The following COL4A3 variants were observed in gnomAD, a reference collection of about 807,000 sequenced individuals.
The protein encoded by COL4A3 is collagen alpha-3(IV) chain.
Under a neutral mutation model 217.4 loss-of-function variants are expected in COL4A3, and 135 were observed. The observed-to-expected ratio is 0.62, with a 90% CI of 0.54 to 0.72. COL4A3 has a LOEUF of 0.72. Among genes scored for constraint, COL4A3 ranks in the 30% least tolerant of loss-of-function variants. The probability of loss-of-function intolerance (pLI) is 0.00; values close to 1 mark genes in which losing one functional copy is unlikely to be tolerated. For missense variants in COL4A3, 1,868 were observed against 2,119.9 expected (o/e 0.88, Z 2.33); for synonymous variants, 690 against 736.3 (o/e 0.94, Z 1.02).
Position 227,305,010 on chromosome 2 carries a change from A to G in COL4A3, c.4179A>G (p.Pro1393=). The G allele has an allele frequency of 6.2e-7, 1 of 1,614,020 alleles. No individual in the cohort carries two copies. Among genetic ancestry groups the G allele is most frequent in the South Asian group, 1.1e-5 (1 of 91,068 alleles). The part of the protein sequence containing the change: ...NLGPCGPRGK[P]GKDGKPGTPG... ...GACCCTGTGGGCCAAGAGGTAAGCC[A>G]GGCAAGGATGGAAAACCAGGAACTC... The change falls in exon 47 of 52, where the codon CCA becomes CCG. Residue 1393 remains proline, a synonymous_variant. Coordinates refer to ENST00000396578, the MANE Select transcript of COL4A3 (RefSeq NM_000091.5).
chr2:227,260,312 T>C (rs2070473691), intron 19 of COL4A3, among the ~76,000 whole-genome samples: 1 of 152,224 alleles, frequency 6.6e-6, no homozygotes, highest in Non-Finnish European at 1.5e-5. Context: ...CATGTACTTA[T>C]GCTGTATCAC....
chr2:227,177,728 C>T (rs1026604910), intron 1 of COL4A3, among the ~76,000 whole-genome samples: 3 of 152,136 alleles, frequency 2.0e-5, no homozygotes, highest in Admixed American at 1.3e-4. Flanking sequence ...GATGAAATCT[C>T]GCACCGTCCT....
intron 43 of COL4A3, among the ~76,000 whole-genome samples, chr2:227,300,819 C>T (rs151069465): frequency 3.2e-4 from 49 of 152,244 alleles, no homozygotes; most frequent in Non-Finnish European, 6.6e-4. Flanking sequence ...AAGGTCCCTC[C>T]CCAAGGAGAT....
intron 1 of COL4A3, among the ~76,000 whole-genome samples, chr2:227,225,429 G>A (rs544214937): frequency 8.7e-4 from 133 of 152,092 alleles, no homozygotes; most frequent in Middle Eastern, 3.4e-3. Context: ...GTTCCCAGGC[G>A]GATTTTTAAA....
At chr2:227,288,212 T>A (rs1016722060) in intron 34 of COL4A3, among the ~76,000 whole-genome samples, 1 of 152,158 alleles carries the variant, frequency 6.6e-6, no homozygotes, top group African/African-American at 2.4e-5. Context: ...TTCTCTTGCC[T>A]CAGCCTCCCA....
intron 29 of COL4A3, 70 bp downstream of exon 29, chr2:227,279,960 T>G: frequency 1.1e-6 from 1 of 949,726 alleles, no homozygotes; most frequent in Non-Finnish European, 1.7e-6. Flanking sequence ...TGTATGCACT[T>G]ATCTGGCAGA....
At chr2:227,178,078 G>A (rs933048904) in intron 1 of COL4A3, among the ~76,000 whole-genome samples, 13 of 152,130 alleles carry the variant, frequency 8.5e-5, no homozygotes, top group African/African-American at 2.4e-4. Flanking sequence ...TTGTGAAGAA[G>A]GAAAAAGAAA....
intron 26 of COL4A3, among the ~76,000 whole-genome samples, chr2:227,274,508 T>G (rs2071439783): frequency 6.6e-6 from 1 of 151,994 alleles, no homozygotes; most frequent in African/African-American, 2.4e-5. Flanking sequence ...GCTTTTTTTT[T>G]TTTTGTCTGA....
At chr2:227,264,371 C>G (rs1298889269) in intron 21 of COL4A3, among the ~76,000 whole-genome samples, 2 of 152,158 alleles carry the variant, frequency 1.3e-5, no homozygotes, top group Admixed American at 1.3e-4. Flanking sequence ...TCCCATCCTC[C>G]CACTTCCAGG....
chr2:227,239,410 A>G (rs199611473), intron 2 of COL4A3, among the ~76,000 whole-genome samples: 2 of 150,724 alleles, frequency 1.3e-5, no homozygotes, highest in Non-Finnish European at 3.0e-5. Context: ...GTGTGGGGGG[A>G]AGGTCCTGGA....
Position 227,290,858 on chromosome 2 carries a change from G to A in COL4A3, c.3182G>A (p.Gly1061Asp), listed in dbSNP as rs202078295. The stretch of plus-strand genomic sequence containing the variant: ...AAGGGAGAGCCAGGTTATTCAGAAG[G>A]TACAAGGCCAGGACCACCGGGACCA... ...GDKGEPGYSE[G>D]TRPGPPGPTG... Residue 1061 changes from glycine to aspartate, a missense_variant, in exon 37 of 52, where the codon GGT (glycine) becomes GAT (aspartate). Gly to Asp is a moderately conservative substitution (Grantham distance 94, BLOSUM62 -1). This residue lies in a region of COL4A3 where 1,503 missense variants were observed against 1,786.1 expected (regional missense o/e 0.84). Transcript: ENST00000396578. 396 of 1,613,056 alleles carry A rather than the reference G, an allele frequency of 2.5e-4. No individual in the cohort carries two copies. The highest frequency in any genetic ancestry group is 2.9e-4 in the Non-Finnish European group (344 of 1,179,818).
At position 227,298,724 on chromosome 2, in the gene COL4A3, G is replaced by A; in HGVS notation, c.3794G>A (p.Gly1265Asp). The A allele has an allele frequency of 6.2e-7, 1 of 1,614,008 alleles. No individual in the cohort carries two copies. Among genetic ancestry groups the A allele is most frequent in the Non-Finnish European group, 8.5e-7 (1 of 1,179,966 alleles). ...PPGPPGSHVI[G>D]IKGDKGSMGH... is the part of the protein sequence containing the mutation. Reference sequence around the variant, plus strand: ...GGACCTCCAGGGAGTCATGTAATAGGCATAAAAGGAGACAAAGGGTCTATG... The same window carrying A: ...GGACCTCCAGGGAGTCATGTAATAGACATAAAAGGAGACAAAGGGTCTATG... The change falls in exon 43 of 52, where the codon GGC becomes GAC. Residue 1265 changes from glycine (G) to aspartate (D), a missense_variant. Gly to Asp is a moderately conservative substitution (Grantham distance 94, BLOSUM62 -1). Transcript: ENST00000396578.
At chr2:227,195,667 A>ATGTGTGTG (rs34242264) in intron 1 of COL4A3, among the ~76,000 whole-genome samples, 68 of 139,974 alleles carry the variant, frequency 4.9e-4, no homozygotes, top group South Asian at 1.4e-3. Flanking sequence ...ATATATATAT[A>ATGTGTGTG]TGTGTGTGTG....
chr2:227,294,709 T>G, intron 39 of COL4A3, 139 bp downstream of exon 39: 1 of 727,492 alleles, frequency 1.4e-6, no homozygotes, highest in South Asian at 1.6e-5. Flanking sequence ...GCAAAAAAAA[T>G]GGGGTTAGAT....
chr2:227,281,022 CA>C lies in COL4A3; in HGVS notation c.2488+20del. ...GGGCAACAAGGTAGGAGGAGGGCCT[CA>C]AAACTGGCCACCAGAAGGGCAGGAG... On this transcript the variant is annotated intron_variant, in intron 31 of 51. Transcript: ENST00000396578. 2 of 1,496,270 alleles carry C rather than the reference CA, an allele frequency of 1.3e-6. No homozygotes were observed. Among genetic ancestry groups the C allele is most frequent in the African/African-American group, 1.4e-5 (1 of 71,778 alleles). 92.7% of individuals were successfully genotyped at this position (1,496,270 alleles called of 1,614,324 possible).
intron 26 of COL4A3, among the ~76,000 whole-genome samples, chr2:227,274,107 C>T (rs2071406851): frequency 6.6e-6 from 1 of 152,046 alleles, no homozygotes; most frequent in African/African-American, 2.4e-5. Flanking sequence ...CATGGTGGCA[C>T]ATACCCACAG....
Position 227,203,181 on chromosome 2 carries a change from ATG to A in COL4A3, c.88-34781_88-34780del, listed in dbSNP as rs1358454619. Among the ~76,000 whole-genome samples the A allele has an allele frequency of 1.6e-4, 4 of 24,540 alleles. 2 individuals carry two copies. Among genetic ancestry groups the A allele is most frequent in the Non-Finnish European group, 2.8e-4 (4 of 14,392 alleles). The allele number at this position is 24,540 out of a possible 152,430, so 16.1% of individuals were successfully genotyped here. ...TACATATATGTGTATATATGTGTAT[ATG>A]TGTGTATATATACATATATGTGTAT... On this transcript the variant is annotated intron_variant, in intron 1 of 51. Coordinates refer to ENST00000396578, the MANE Select transcript of COL4A3 (RefSeq NM_000091.5).
intron 3 of COL4A3, among the ~76,000 whole-genome samples, chr2:227,243,315 A>C (rs2069134355): frequency 6.6e-6 from 1 of 152,264 alleles, no homozygotes; most frequent in Admixed American, 6.5e-5. Context: ...AATACAATCA[A>C]AGGCAGACAA....
At chr2:227,295,211 A>G in intron 40 of COL4A3, 58 bp from the exon 41 acceptor site, 5 of 1,575,558 alleles carry the variant, frequency 3.2e-6, no homozygotes, top group Non-Finnish European at 4.4e-6. Flanking sequence ...CTTTTCTCAT[A>G]GACATATAAT....
Sources: gnomAD v4.1 joint callset for allele counts (sites outside exome capture counted in the v4.1 genomes callset) on GRCh38, gnomAD v4.1.1 for gene constraint, gnomAD v4.1.1 regional missense constraint, MANE v1.5 for transcripts, NCBI Gene and HGNC (gene_info 2026-07-23, HGNC 2026-07-21) for gene names.